The following DLC1 variants were observed in gnomAD, a reference collection of about 807,000 sequenced individuals.
DLC1 encodes the protein DLC1 Rho GTPase activating protein.
A neutral mutation model predicts 140.3 loss-of-function variants in DLC1; 54 were observed. The ratio of observed to expected loss-of-function variants is 0.38; its 90% CI spans 0.31 to 0.48. DLC1 has a LOEUF of 0.48. Ranked by LOEUF, DLC1 falls within the 20% of genes least tolerant of loss-of-function variation. The probability of loss-of-function intolerance (pLI) is 0.96; values close to 1 mark genes in which losing one functional copy is unlikely to be tolerated. For missense variants in DLC1, 2,536 were observed against 1,907.0 expected, an observed-to-expected ratio of 1.33 and a Z score of -6.14; for synonymous variants, 986 against 728.1, an observed-to-expected ratio of 1.35 and a Z score of -5.70.
intron 2 of DLC1, among the ~76,000 whole-genome samples, chr8:13,434,003 G>A (rs1016693573): frequency 2.6e-5 from 4 of 152,142 alleles, no homozygotes; most frequent in Admixed American, 6.5e-5. Flanking sequence ...TTACAGGCCT[G>A]TGCCACCATG....
In DLC1 at chr8:13,591,057, T is replaced by A. The variant is rs538363659; in HGVS notation, c.-126+13480A>T. ...AGGAATGAAGGAAATTTATATGACA[T>A]GAGATTAGAGAAAAAGAAACAGGTC... is the stretch of plus-strand genomic sequence containing the variant. On this transcript the variant is annotated intron_variant, in intron 1 of 1. Transcript: ENST00000631382. Among the ~76,000 whole-genome samples, 5 of 152,116 alleles carry A rather than the reference T, an allele frequency of 3.3e-5. No homozygotes were observed. In the South Asian group the frequency reaches 1.0e-3, roughly 32 times the overall value.
Position 13,432,485 on chromosome 8 carries a change from C to T in DLC1, c.1024-30866G>A, listed in dbSNP as rs193050874. On this transcript the variant is annotated intron_variant, in intron 2 of 17. Transcript: ENST00000276297. ...ATCGTACAATATTATAACTCATATA[C>T]ACATAACAGGTTTATTTTCATTTTA... 6.8e-4 allele frequency among the ~76,000 whole-genome samples: 103 copies of T among 152,282 alleles called. 1 individual carries two copies. Among genetic ancestry groups the T allele is most frequent in the African/African-American group, 2.3e-3 (96 of 41,554 alleles).
At chr8:13,134,870 G>C (rs953335518) in intron 5 of DLC1, among the ~76,000 whole-genome samples, 9 of 152,180 alleles carry the variant, frequency 5.9e-5, no homozygotes, top group African/African-American at 2.2e-4. Flanking sequence ...CAGCTCTAAA[G>C]GGTATGGGAC....
Position 13,095,263 on chromosome 8 carries a change from G to C in DLC1, c.3168-18C>G. 1.2e-6 allele frequency: 2 copies of C among 1,614,112 alleles called. No individual in the cohort carries two copies. The highest frequency in any genetic ancestry group is 8.5e-7 in the Non-Finnish European group (1 of 1,179,954). On this transcript the variant is annotated intron_variant, in intron 10 of 17. Transcript: ENST00000276297. ...GCACGGCCCTGTTAAAGAACACAGAGATGGTGGTGTTGGCGGAGACATGCT... is the reference window on the plus strand; with the variant it reads ...GCACGGCCCTGTTAAAGAACACAGACATGGTGGTGTTGGCGGAGACATGCT...
chr8:13,279,286 T>G (rs570060816), intron 5 of DLC1, among the ~76,000 whole-genome samples: 2 of 152,166 alleles, frequency 1.3e-5, no homozygotes, highest in Non-Finnish European at 2.9e-5. Context: ...ACCAAAGTGT[T>G]ATAAAACAAC....
chr8:13,165,589 A>G (rs1414507776), intron 5 of DLC1, among the ~76,000 whole-genome samples: 1 of 152,210 alleles, frequency 6.6e-6, no homozygotes, highest in Admixed American at 6.5e-5. Context: ...TCTGTTTGCT[A>G]TAGCTCTTTT....
chr8:13,373,439 G>C (rs1026133981), intron 4 of DLC1, among the ~76,000 whole-genome samples: 8 of 152,138 alleles, frequency 5.3e-5, no homozygotes, highest in African/African-American at 1.9e-4. Flanking sequence ...TTTCTGGGCT[G>C]ATGATCTCCT....
chr8:13,178,237 C>T (rs1295785052), intron 5 of DLC1, among the ~76,000 whole-genome samples: 1 of 152,074 alleles, frequency 6.6e-6, no homozygotes. Flanking sequence ...TCATAGACAA[C>T]CCAAAAGGCA....
chr8:13,459,622 C>G (rs892344803), intron 2 of DLC1, among the ~76,000 whole-genome samples: 2 of 152,116 alleles, frequency 1.3e-5, no homozygotes, highest in Admixed American at 6.5e-5. Context: ...CCCAGGACCC[C>G]CAGTTCTGCC....
At chr8:13,273,030 A>G (rs185222468) in intron 5 of DLC1, among the ~76,000 whole-genome samples, 1 of 152,360 alleles carries the variant, frequency 6.6e-6, no homozygotes, top group East Asian at 1.9e-4. Context: ...TTTCACTATC[A>G]TTGGTTTCCT....
At chr8:13,589,296 A>C (rs903670939) in intron 1 of DLC1, among the ~76,000 whole-genome samples, 4 of 152,100 alleles carry the variant, frequency 2.6e-5, no homozygotes, top group Admixed American at 2.6e-4. Context: ...GCTATTAGAA[A>C]AACAAAAAAC....
chr8:13,248,187 C>T (rs1829844506), intron 5 of DLC1, among the ~76,000 whole-genome samples: 1 of 152,176 alleles, frequency 6.6e-6, no homozygotes, highest in Non-Finnish European at 1.5e-5. Flanking sequence ...CTTTGCTCCC[C>T]TTCTCTTCCC....
At chr8:13,417,523 C>A (rs543940602) in intron 2 of DLC1, among the ~76,000 whole-genome samples, 1 of 151,806 alleles carries the variant, frequency 6.6e-6, no homozygotes, top group Non-Finnish European at 1.5e-5. Context: ...ATCCATGTCC[C>A]TACAAAGGAC....
chr8:13,588,540 G>C (rs7845300), intron 1 of DLC1, among the ~76,000 whole-genome samples: 22,018 of 151,952 alleles, frequency 0.14, 1,672 homozygotes, highest in African/African-American at 0.19. Flanking sequence ...TAGCCTGGGG[G>C]TACAGCATGT....
chr8:13,537,799 G>A (rs747557550), intron 1 of DLC1, among the ~76,000 whole-genome samples: 3 of 151,784 alleles, frequency 2.0e-5, no homozygotes, highest in Non-Finnish European at 4.4e-5. Flanking sequence ...GACTACAGGC[G>A]CCCGCCACCA....
chr8:13,500,400 C>T (rs567821091), intron 1 of DLC1, among the ~76,000 whole-genome samples: 2 of 152,234 alleles, frequency 1.3e-5, no homozygotes, highest in South Asian at 4.1e-4. Flanking sequence ...TAAAAATCAT[C>T]AGCAATACTT....
At chr8:13,128,776 A>C (rs1821813210) in intron 5 of DLC1, among the ~76,000 whole-genome samples, 1 of 151,918 alleles carries the variant, frequency 6.6e-6, no homozygotes, top group South Asian at 2.1e-4. Flanking sequence ...CGGAGCTTGC[A>C]GTGAGCCAAG....
At chr8:13,244,099 C>A (rs891206903) in intron 5 of DLC1, among the ~76,000 whole-genome samples, 1 of 152,150 alleles carries the variant, frequency 6.6e-6, no homozygotes, top group Non-Finnish European at 1.5e-5. Flanking sequence ...CTTGAGTAAT[C>A]CCCAGGCACT....
intron 4 of DLC1, among the ~76,000 whole-genome samples, chr8:13,315,644 T>C (rs1019757846): frequency 1.3e-5 from 2 of 152,192 alleles, no homozygotes; most frequent in African/African-American, 2.4e-5. Flanking sequence ...ATTTCTTCTA[T>C]TCCATTGATG....
Sources: allele counts gnomAD v4.1 joint callset (sites outside exome capture counted in the v4.1 genomes callset), GRCh38; gene constraint gnomAD v4.1.1; transcripts MANE v1.5; gene names NCBI Gene and HGNC (gene_info 2026-07-23, HGNC 2026-07-21).